HSCB: variants seen among roughly 807,000 people sequenced by gnomAD.
The protein encoded by HSCB is iron-sulfur cluster co-chaperone protein HscB.
In HSCB, 23 loss-of-function variants were observed where a neutral mutation model predicts 31.3. That is an observed-to-expected ratio of 0.74 (90% confidence interval 0.53 to 1.04). The LOEUF is 1.04. Among genes scored for constraint, HSCB ranks in the 50% least tolerant of loss-of-function variants. The pLI, the probability that HSCB is intolerant of heterozygous loss-of-function variation, is 0.00. For missense variants in HSCB, 297 were observed against 288.1 expected (o/e 1.03, Z -0.22); for synonymous variants, 110 against 104.5 (o/e 1.05, Z -0.32).
rs113212667 is a variant in HSCB, at chr22:28,744,769, A to G, written c.423+65A>G. The stretch of plus-strand genomic sequence containing the variant: ...ATGCCCATTATGGCGTAGGACAGCC[A>G]CGTCCCCTTTATTCAGCAGAAGAGT... On this transcript the variant is annotated intron_variant, in intron 3 of 5. Transcript: ENST00000216027. 4.8e-6 allele frequency: 6 copies of G among 1,246,816 alleles called. No homozygotes were observed. In the African/African-American group the frequency reaches 7.4e-5, roughly 15 times the overall value. 77.2% of individuals were successfully genotyped at this position (1,246,816 alleles called of 1,614,324 possible). A position where few individuals can be genotyped will look rare whatever the true frequency, so the allele number is the denominator to read the frequency against.
In HSCB at chr22:28,742,318, A is replaced by C; in HGVS notation, c.223A>C (p.Ser75Arg). 6.2e-7 allele frequency: 1 copy of C among 1,613,930 alleles called. No individual in the cohort carries two copies. Among genetic ancestry groups the C allele is most frequent in the South Asian group, 1.1e-5 (1 of 91,056 alleles). The change falls in exon 1 of 6, where the codon AGC becomes CGC. Residue 75 changes from serine (S) to arginine (R), a missense_variant. Transcript: ENST00000216027. ...ACCTGACCCCACTCGAGACTACTTC[A>C]GCCTTATGGACTGGTACGAGCGACG... ...QAPDPTRDYF[S>R]LMDCNRSFRV...
At chr22:28,755,297 C>T (rs1417899903) in intron 5 of HSCB, among the ~76,000 whole-genome samples, 3 of 151,796 alleles carry the variant, frequency 2.0e-5, no homozygotes, top group African/African-American at 7.3e-5. Flanking sequence ...GTAGTCCCAG[C>T]TACTCAGGAG....
intron 5 of HSCB, among the ~76,000 whole-genome samples, chr22:28,752,715 C>T (rs1170230954): frequency 6.9e-6 from 1 of 145,690 alleles, no homozygotes; most frequent in African/African-American, 2.6e-5. Context: ...GCCTGTGCAA[C>T]AGAGCGAGAC....
intron 4 of HSCB, among the ~76,000 whole-genome samples, chr22:28,749,190 CT>C (rs1043427382): frequency 4.6e-5 from 7 of 151,918 alleles, no homozygotes; most frequent in African/African-American, 1.7e-4. Context: ...CTCTAAAACT[CT>C]TTAGCATCCC....
chr22:28,755,700 A>G (rs186903388), intron 5 of HSCB, among the ~76,000 whole-genome samples: 2 of 152,302 alleles, frequency 1.3e-5, no homozygotes, highest in East Asian at 1.9e-4. Context: ...TGGTTATAAC[A>G]TATCTTCATT....
Position 28,742,249 on chromosome 22 carries a change from C to T in HSCB, c.154C>T (p.Arg52Trp), listed in dbSNP as rs1601380012. The T allele has an allele frequency of 6.2e-7, 1 of 1,613,996 alleles. No individual in the cohort carries two copies. Among genetic ancestry groups the T allele is most frequent in the South Asian group, 1.1e-5 (1 of 91,072 alleles). Residue 52 changes from arginine to tryptophan, a missense_variant, in exon 1 of 6, where the codon CGG becomes TGG. Coordinates refer to ENST00000216027, the MANE Select transcript of HSCB (RefSeq NM_172002.5). ...WNCGGPWGPGREDRFFCPQCR... is the reference protein window; with the variant it reads ...WNCGGPWGPGWEDRFFCPQCR... ...CTGCGGCGGCCCATGGGGCCCCGGG[C>T]GGGAGGACAGGTTCTTCTGCCCACA...
chr22:28,742,556 G>T, intron 1 of HSCB: 1 of 718,190 alleles, frequency 1.4e-6, no homozygotes, highest in Admixed American at 3.2e-5. Flanking sequence ...AGACGAACGG[G>T]ACTGGAGGGG....
intron 4 of HSCB, among the ~76,000 whole-genome samples, chr22:28,750,146 G>A (rs1458724151): frequency 2.7e-5 from 4 of 149,762 alleles, no homozygotes; most frequent in East Asian, 4.0e-4. Flanking sequence ...CAACTTCAGA[G>A]GCTGAGGCAG....
chr22:28,743,977 A>C lies in HSCB; in HGVS notation c.332A>C (p.Gln111Pro), dbSNP rs985305999. The C allele has an allele frequency of 6.2e-7, 1 of 1,612,246 alleles. No individual in the cohort carries two copies. The highest frequency in any genetic ancestry group is 8.5e-7 in the Non-Finnish European group (1 of 1,178,394). The change falls in exon 2 of 6, where the codon CAG becomes CCG. Residue 111 changes from glutamine (Q) to proline (P), a missense_variant and splice_region_variant. By Grantham distance (76) the Gln-to-Pro change is moderately conservative. Transcript: ENST00000216027. ...CCAGATTTCTTCAGCCAGAGGTCTC[A>C]GGTAGCTTATTGGCCAACCCCAATA... Reference protein sequence around the residue: ...VHPDFFSQRSQTEKDFSEKHS... With the variant: ...VHPDFFSQRSPTEKDFSEKHS...
Position 28,744,633 on chromosome 22 carries a change from G to A in HSCB, c.352G>A (p.Glu118Lys). The change falls in exon 3 of 6, where the codon GAG becomes AAG. Residue 118 changes from glutamate (E) to lysine (K), a missense_variant. By Grantham distance (56) the Glu-to-Lys change is moderately conservative (BLOSUM62 1). Transcript: ENST00000216027. ...CTAACAGACTGAAAAGGACTTCTCAGAGAAGCATTCGACCCTGGTGAATGA... is the reference window on the plus strand; with the variant it reads ...CTAACAGACTGAAAAGGACTTCTCAAAGAAGCATTCGACCCTGGTGAATGA... ...QRSQTEKDFS[E>K]KHSTLVNDAY... 6.2e-7 allele frequency: 1 copy of A among 1,613,424 alleles called. No individual in the cohort carries two copies. The highest frequency in any genetic ancestry group is 8.5e-7 in the Non-Finnish European group (1 of 1,179,302).
chr22:28,748,058 G>T (rs554096694), intron 4 of HSCB, among the ~76,000 whole-genome samples: 2 of 152,144 alleles, frequency 1.3e-5, no homozygotes, highest in East Asian at 3.9e-4. Context: ...GTTAGCACAC[G>T]CCTGTAGTGC....
intron 5 of HSCB, among the ~76,000 whole-genome samples, chr22:28,756,021 G>A (rs978293465): frequency 2.0e-5 from 3 of 151,916 alleles, no homozygotes; most frequent in Non-Finnish European, 2.9e-5. Flanking sequence ...CAAGGCAGGC[G>A]GATCACTTGA....
intron 2 of HSCB, 104 bp from the exon 3 acceptor site, chr22:28,744,511 C>T (rs2054649834): frequency 2.6e-6 from 2 of 779,252 alleles, no homozygotes; most frequent in African/African-American, 1.7e-5. Context: ...GAGTTCGCGC[C>T]ACTGCACACT....
chr22:28,744,925 A>T (rs2054659338), intron 3 of HSCB, among the ~76,000 whole-genome samples: 1 of 152,034 alleles, frequency 6.6e-6, no homozygotes, highest in Non-Finnish European at 1.5e-5. Flanking sequence ...TCTACAAAAA[A>T]TACAAAAATT....
chr22:28,756,568 A>G (rs892093306), intron 5 of HSCB, among the ~76,000 whole-genome samples: 3 of 151,898 alleles, frequency 2.0e-5, no homozygotes, highest in Non-Finnish European at 4.4e-5. Flanking sequence ...TCCTGGGCTC[A>G]AGGGATCCTC....
At chr22:28,749,144 GAA>G (rs5844822) in intron 4 of HSCB, among the ~76,000 whole-genome samples, 11 of 144,440 alleles carry the variant, frequency 7.6e-5, no homozygotes, top group African/African-American at 2.5e-4. Context: ...ACGTCTCAAA[GAA>G]AAAAAAAAAA....
Position 28,742,151 on chromosome 22 carries a change from G to T in HSCB, c.56G>T (p.Gly19Val), listed in dbSNP as rs1417231046. 3 of 1,613,448 alleles carry T rather than the reference G, an allele frequency of 1.9e-6. No homozygotes were observed. Among genetic ancestry groups the T allele is most frequent in the Non-Finnish European group, 1.7e-6 (2 of 1,179,810 alleles). ...CGGGTGTGGGGGTTTTGGCCGACAGGGGTTCCCAGAAGGAGACCGCTAAGC... is the reference window on the plus strand; with the variant it reads ...CGGGTGTGGGGGTTTTGGCCGACAGTGGTTCCCAGAAGGAGACCGCTAAGC... ...LLRVWGFWPT[G>V]VPRRRPLSCD... is the part of the protein sequence containing the mutation. Residue 19 changes from glycine to valine, a missense_variant, in exon 1 of 6, where the codon GGG becomes GTG. Transcript: ENST00000216027.
chr22:28,742,259 G>T lies in HSCB; in HGVS notation c.164G>T (p.Arg55Met). The T allele has an allele frequency of 6.2e-7, 1 of 1,614,180 alleles. No individual in the cohort carries two copies. The highest frequency in any genetic ancestry group is 8.5e-7 in the Non-Finnish European group (1 of 1,180,036). ...CCATGGGGCCCCGGGCGGGAGGACA[G>T]GTTCTTCTGCCCACAGTGCCGAGCG... is the stretch of plus-strand genomic sequence containing the variant. ...GGPWGPGRED[R>M]FFCPQCRALQ... Residue 55 changes from arginine (R) to methionine (M), a missense_variant, in exon 1 of 6, where the codon AGG (arginine) becomes ATG (methionine). Coordinates refer to ENST00000216027, the MANE Select transcript of HSCB (RefSeq NM_172002.5).
chr22:28,748,888 C>T (rs575353948), intron 4 of HSCB, among the ~76,000 whole-genome samples: 1 of 152,204 alleles, frequency 6.6e-6, no homozygotes, highest in East Asian at 1.9e-4. Context: ...GCCTGTAATC[C>T]AAGCACTTTG....
Sources: gnomAD v4.1 joint callset for allele counts (sites outside exome capture counted in the v4.1 genomes callset) on GRCh38, gnomAD v4.1.1 for gene constraint, MANE v1.5 for transcripts, NCBI Gene and HGNC (gene_info 2026-07-23, HGNC 2026-07-21) for gene names.